Variants in PLCL1 observed in about 807,000 individuals in gnomAD.
PLCL1 encodes the protein phospholipase C like 1 (inactive).
PLCL1 carries 41 observed loss-of-function variants against 84.4 expected under a neutral mutation model. The observed-to-expected ratio is 0.49, with a 90% CI of 0.38 to 0.63. PLCL1 has a LOEUF of 0.63. Among genes scored for constraint, PLCL1 ranks in the 30% least tolerant of loss-of-function variants. The pLI, the probability that PLCL1 is intolerant of heterozygous loss-of-function variation, is 0.00. For synonymous variants in PLCL1, 490 were observed against 488.3 expected, an observed-to-expected ratio of 1.00 and a Z score of -0.05; for missense variants, 1,206 against 1,367.8, an observed-to-expected ratio of 0.88 and a Z score of 1.87.
At chr2:197,932,224 A>T (rs569826798) in intron 1 of PLCL1, among the ~76,000 whole-genome samples, 15 of 152,224 alleles carry the variant, frequency 9.9e-5, no homozygotes, top group Middle Eastern at 3.4e-3. Flanking sequence ...GTTGAATGAG[A>T]TTATGCAGTG....
chr2:198,058,049 G>A (rs1025183179), intron 1 of PLCL1, among the ~76,000 whole-genome samples: 1 of 152,242 alleles, frequency 6.6e-6, no homozygotes, highest in Non-Finnish European at 1.5e-5. Context: ...TTTGAATGAT[G>A]CCTCTGATAT....
intron 1 of PLCL1, among the ~76,000 whole-genome samples, chr2:197,848,178 T>G (rs957052600): frequency 9.9e-5 from 15 of 152,202 alleles, no homozygotes; most frequent in African/African-American, 3.6e-4. Context: ...CTGAAATTTC[T>G]GAACTGTTTC....
At chr2:197,812,696 G>A (rs1322373925) in intron 1 of PLCL1, among the ~76,000 whole-genome samples, 5 of 152,258 alleles carry the variant, frequency 3.3e-5, no homozygotes, top group Middle Eastern at 6.8e-3. Flanking sequence ...ACAATATCAC[G>A]GTTAGAAATG....
In PLCL1 at chr2:197,816,280, T is replaced by A. The variant is rs546238417; in HGVS notation, c.240+10941T>A. ...TGAAGGCTCATAATCATTATGATTA[T>A]GGCTAATGATCATTAGCATTTTTTA... On this transcript the variant is annotated intron_variant, in intron 1 of 5. Transcript: ENST00000428675. Among the ~76,000 whole-genome samples, 14 of 152,292 alleles carry A rather than the reference T, an allele frequency of 9.2e-5. No individual in the cohort carries two copies. The South Asian group carries it at 2.9e-3, about 32-fold the overall frequency.
intron 1 of PLCL1, among the ~76,000 whole-genome samples, chr2:198,019,811 T>A (rs1380997776): frequency 6.6e-6 from 1 of 152,192 alleles, no homozygotes; most frequent in Non-Finnish European, 1.5e-5. Flanking sequence ...TGGAAAATAC[T>A]CTTCAGGATA....
rs565744809 is a variant in PLCL1, at chr2:198,027,098, T to A, written c.241-56660T>A. Reference sequence around the variant, plus strand: ...TACGCATTGTCGACAATTGGCAAGATATCAACCTAATTGTTCATCAGTGGA... The same window carrying A: ...TACGCATTGTCGACAATTGGCAAGAAATCAACCTAATTGTTCATCAGTGGA... On this transcript the variant is annotated intron_variant, in intron 1 of 5. Coordinates refer to ENST00000428675, the MANE Select transcript of PLCL1 (RefSeq NM_006226.4). 6.6e-5 allele frequency among the ~76,000 whole-genome samples: 10 copies of A among 152,312 alleles called. No individual in the cohort carries two copies. The East Asian group carries it at 1.7e-3, about 26-fold the overall frequency.
chr2:198,135,600 G>T (rs997497785), intron 5 of PLCL1, among the ~76,000 whole-genome samples: 1 of 152,052 alleles, frequency 6.6e-6, no homozygotes, highest in African/African-American at 2.4e-5. Flanking sequence ...TTTAGCTTGG[G>T]GTTTTCTATT....
At chr2:197,922,358 G>A (rs1688718844) in intron 1 of PLCL1, among the ~76,000 whole-genome samples, 1 of 96,808 alleles carries the variant, frequency 1.0e-5, no homozygotes, top group Admixed American at 1.1e-4. Context: ...GGATCCCAAG[G>A]CAGAAGAATT....
Position 197,960,488 on chromosome 2 carries a change from T to C in PLCL1, c.241-123270T>C, listed in dbSNP as rs567129118. Among the ~76,000 whole-genome samples, 6 of 152,178 alleles carry C rather than the reference T, an allele frequency of 3.9e-5. No homozygotes were observed. The South Asian group carries it at 1.2e-3, about 32-fold the overall frequency. On this transcript the variant is annotated intron_variant, in intron 1 of 5. Transcript: ENST00000428675. ...AAATAGCAGTTCATATAGCAGAGAT[T>C]GAGAGTAGCAACACATGGCTTAAAT...
rs770262547 is a variant in PLCL1 at position 198,103,928 on chromosome 2, G to C, written c.3097G>C (p.Val1033Leu). The change falls in exon 5 of 6, where the codon GTA (valine) becomes CTA (leucine). Residue 1033 changes from valine to leucine, a missense_variant. By Grantham distance (32) the Val-to-Leu change is conservative. Transcript: ENST00000428675. Reference protein sequence around the residue: ...ATESFAWNITVLKGQGDLLKN... With the variant: ...ATESFAWNITLLKGQGDLLKN... ...TGAGAGCTTTGCTTGGAACATTACA[G>C]TATTGAAGGTAGATGAAACACTCAG... is the stretch of plus-strand genomic sequence containing the variant. The C allele has an allele frequency of 6.4e-7, 1 of 1,563,510 alleles. No homozygotes were observed.
At chr2:198,077,706 T>C (rs1293651628) in intron 1 of PLCL1, among the ~76,000 whole-genome samples, 3 of 152,314 alleles carry the variant, frequency 2.0e-5, no homozygotes, top group Admixed American at 2.0e-4. Flanking sequence ...GTTTGACTCA[T>C]ATATCCAACT....
At chr2:198,054,802 A>G (rs1046132463) in intron 1 of PLCL1, among the ~76,000 whole-genome samples, 5 of 152,214 alleles carry the variant, frequency 3.3e-5, no homozygotes, top group Non-Finnish European at 7.3e-5. Context: ...GTGGGTTAAG[A>G]TAGTTCATAG....
At chr2:197,861,766 G>C (rs1156812585) in intron 1 of PLCL1, among the ~76,000 whole-genome samples, 2 of 152,126 alleles carry the variant, frequency 1.3e-5, no homozygotes, top group African/African-American at 4.8e-5. Flanking sequence ...GTATGGGGGG[G>C]AACCCCTACC....
At chr2:198,121,498 G>A (rs1372369738) in intron 5 of PLCL1, among the ~76,000 whole-genome samples, 1 of 152,030 alleles carries the variant, frequency 6.6e-6, no homozygotes, top group African/African-American at 2.4e-5. Flanking sequence ...GTGAGAGATA[G>A]GGATCTAGTT....
At chr2:197,966,845 ATTTTT>A (rs34706360) in intron 1 of PLCL1, among the ~76,000 whole-genome samples, 2 of 100,280 alleles carry the variant, frequency 2.0e-5, no homozygotes, top group Non-Finnish European at 2.0e-5. Flanking sequence ...ATCCATACTA[ATTTTT>A]TTTTTTTTTT....
chr2:197,897,405 G>A (rs1688174797), intron 1 of PLCL1, among the ~76,000 whole-genome samples: 1 of 152,018 alleles, frequency 6.6e-6, no homozygotes, highest in African/African-American at 2.4e-5. Flanking sequence ...GTGGTTCATA[G>A]TGTGGCTTCT....
At chr2:198,113,749 G>T (rs548873039) in intron 5 of PLCL1, among the ~76,000 whole-genome samples, 2 of 151,850 alleles carry the variant, frequency 1.3e-5, no homozygotes, top group Non-Finnish European at 2.9e-5. Context: ...AACATGGTCT[G>T]GGGAGTTCTA....
At chr2:197,819,013 G>T (rs1690750708) in intron 1 of PLCL1, among the ~76,000 whole-genome samples, 1 of 152,152 alleles carries the variant, frequency 6.6e-6, no homozygotes, top group Admixed American at 6.5e-5. Flanking sequence ...GTGTGGGGAA[G>T]AAGGGCACTA....
At chr2:198,018,285 C>T (rs1691047871) in intron 1 of PLCL1, among the ~76,000 whole-genome samples, 1 of 152,198 alleles carries the variant, frequency 6.6e-6, no homozygotes, top group Admixed American at 6.5e-5. Context: ...CCCTGGGTTT[C>T]AAGCACAAAA....
Sources: allele counts gnomAD v4.1 joint callset (sites outside exome capture counted in the v4.1 genomes callset), GRCh38; gene constraint gnomAD v4.1.1; transcripts MANE v1.5; gene names NCBI Gene and HGNC (gene_info 2026-07-23, HGNC 2026-07-21).